EFCAB7: variants seen among roughly 807,000 people sequenced by gnomAD.
EFCAB7 encodes the protein EF-hand calcium binding domain 7.
EFCAB7 carries 66 observed loss-of-function variants against 77.1 expected under a neutral mutation model. That is an observed-to-expected ratio of 0.86 (90% CI 0.70 to 1.05). The LOEUF (loss-of-function observed/expected upper bound fraction) is 1.05. Ranked by LOEUF, EFCAB7 falls within the 50% of genes least tolerant of loss-of-function variation. The pLI is 0.00. For missense variants in EFCAB7, 638 were observed against 730.5 expected (o/e 0.87, Z 1.46); for synonymous variants, 225 against 243.3 (o/e 0.92, Z 0.70).
chr1:63,579,621 A>G, the EFCAB7 span, among the ~76,000 whole-genome samples: 2 of 152,210 alleles, frequency 1.3e-5, no homozygotes, highest in African/African-American at 2.4e-5. Context: ...AGAAACCGCC[A>G]AAGTGTTTTC....
chr1:63,572,660 G>A lies in EFCAB7; in HGVS notation c.*144G>A. ...CATTTTCATTTTATGTCCATGGTAT[G>A]TACTTTATTATTAAAATATAAATAA... On this transcript the variant is annotated 3_prime_UTR_variant, in exon 14 of 14. Transcript: ENST00000371088. 1 of 1,034,776 alleles carries A rather than the reference G, an allele frequency of 9.7e-7. No homozygotes were observed. The highest frequency in any genetic ancestry group is 1.2e-6 in the Non-Finnish European group (1 of 804,416). 64.1% of individuals were successfully genotyped at this position (1,034,776 alleles called of 1,614,324 possible).
At chr1:63,545,158 C>T (rs1310821343) in intron 6 of EFCAB7, among the ~76,000 whole-genome samples, 2 of 151,878 alleles carry the variant, frequency 1.3e-5, no homozygotes, top group Non-Finnish European at 2.9e-5. Context: ...ATCTCATGAT[C>T]CACCCACCTC....
chr1:63,552,634 A>G (rs1232052839), intron 8 of EFCAB7, among the ~76,000 whole-genome samples: 1 of 152,214 alleles, frequency 6.6e-6, no homozygotes, highest in Non-Finnish European at 1.5e-5. Flanking sequence ...GAGGCCAAAT[A>G]TGTGAAGCCA....
chr1:63,579,510 A>G, the EFCAB7 span, among the ~76,000 whole-genome samples: 1 of 152,334 alleles, frequency 6.6e-6, no homozygotes, highest in African/African-American at 2.4e-5. Context: ...TATAAAGTTC[A>G]TCTACAGATT....
chr1:63,527,845 G>A (rs928435145), intron 2 of EFCAB7: 4 of 152,156 alleles, frequency 2.6e-5, no homozygotes, highest in African/African-American at 9.7e-5. Context: ...GCAAGCATAT[G>A]CTAAGCTACC....
rs778540201 is a variant in EFCAB7, at chr1:63,561,723, A to G, written c.1363A>G (p.Lys455Glu). 3.1e-6 allele frequency: 5 copies of G among 1,587,770 alleles called. No homozygotes were observed. The East Asian group carries it at 1.1e-4, about 36-fold the overall frequency. Residue 455 changes from lysine (K) to glutamate (E), a missense_variant, in exon 11 of 14, where the codon AAG becomes GAG. By Grantham distance (56) the Lys-to-Glu change is moderately conservative. Coordinates refer to ENST00000371088, the MANE Select transcript of EFCAB7 (RefSeq NM_032437.4). ...TGTTTAAACAGAGAATTTTGATACA[A>G]AGAGGAATGAACTAACAAGACAAGG... The part of the protein sequence containing the change: ...WAVCRENFDT[K>E]RNELTRQGFM...
intron 11 of EFCAB7, among the ~76,000 whole-genome samples, chr1:63,566,715 A>C (rs2100926366): frequency 6.6e-6 from 1 of 151,830 alleles, no homozygotes; most frequent in East Asian, 1.9e-4. Context: ...AATCTTTAAA[A>C]ATTTTTACAA....
chr1:63,568,542 C>A (rs1647196261), intron 12 of EFCAB7, 23 bp downstream of exon 12: 1 of 1,572,680 alleles, frequency 6.4e-7, no homozygotes, highest in African/African-American at 1.4e-5. Context: ...AGGTGGTTTT[C>A]CTCATTTTGC....
chr1:63,566,159 T>A (rs1007351943), intron 11 of EFCAB7, among the ~76,000 whole-genome samples: 1 of 152,176 alleles, frequency 6.6e-6, no homozygotes, highest in Non-Finnish European at 1.5e-5. Context: ...TGGGATACTA[T>A]ACAGCCATAA....
downstream of EFCAB7, among the ~76,000 whole-genome samples, chr1:63,575,819 G>C (rs1375751714): frequency 6.6e-6 from 1 of 151,984 alleles, no homozygotes; most frequent in African/African-American, 2.4e-5. Flanking sequence ...AATTCCTGGG[G>C]TCAAGCGATT....
Position 63,531,956 on chromosome 1 carries a change from A to G in EFCAB7, c.324A>G (p.Leu108=). 1 of 1,612,854 alleles carries G rather than the reference A, an allele frequency of 6.2e-7. No individual in the cohort carries two copies. Among genetic ancestry groups the G allele is most frequent in the Non-Finnish European group, 8.5e-7 (1 of 1,179,200 alleles). The change falls in exon 3 of 14, where the codon CTA becomes CTG. Residue 108 remains leucine, a synonymous_variant. Coordinates refer to ENST00000371088, the MANE Select transcript of EFCAB7 (RefSeq NM_032437.4). ...KEKPTSKAEL[L]KSFKQLDVND... is the part of the protein sequence containing the mutation. ...AACCTACTTCAAAAGCAGAACTACT[A>G]AAATCATTTAAGCAATTAGATGTAA... is the stretch of plus-strand genomic sequence containing the variant.
intron 8 of EFCAB7, among the ~76,000 whole-genome samples, chr1:63,552,231 T>TA (rs1388561888): frequency 6.6e-6 from 1 of 151,320 alleles, no homozygotes; most frequent in African/African-American, 2.4e-5. Flanking sequence ...ACCCTGTCTC[T>TA]AAAAAAAAAT....
intron 5 of EFCAB7, among the ~76,000 whole-genome samples, chr1:63,533,860 A>C (rs74078252): frequency 0.015 from 2,231 of 152,286 alleles, 50 homozygotes; most frequent in African/African-American, 0.044. Context: ...ATATTTTATT[A>C]AAACTAAAAT....
intron 6 of EFCAB7, among the ~76,000 whole-genome samples, chr1:63,538,059 T>C (rs532035807): frequency 6.6e-6 from 1 of 152,294 alleles, no homozygotes; most frequent in East Asian, 1.9e-4. Context: ...TGAATGAAAA[T>C]AAGTAAAATT....
At chr1:63,534,736 G>A (rs918694334) in intron 6 of EFCAB7, among the ~76,000 whole-genome samples, 1 of 152,016 alleles carries the variant, frequency 6.6e-6, no homozygotes, top group Non-Finnish European at 1.5e-5. Context: ...TTAAAAATGT[G>A]CACCTAGAGA....
intron 6 of EFCAB7, among the ~76,000 whole-genome samples, chr1:63,535,246 G>T (rs1018985366): frequency 6.6e-5 from 10 of 151,800 alleles, no homozygotes; most frequent in African/African-American, 2.2e-4. Flanking sequence ...CATTAGTTGG[G>T]CTCATACCAA....
intron 12 of EFCAB7, chr1:63,570,006 G>A (rs887672648): frequency 6.6e-6 from 1 of 152,146 alleles, no homozygotes; most frequent in Admixed American, 6.6e-5. Context: ...TCACCAAAAT[G>A]TGATAATAAT....
chr1:63,580,133 C>T, the EFCAB7 span, among the ~76,000 whole-genome samples: 1 of 152,108 alleles, frequency 6.6e-6, no homozygotes, highest in East Asian at 1.9e-4. Flanking sequence ...AGTTAGAAGT[C>T]GTTGTCTAAC....
chr1:63,568,979 CCTG>C, intron 12 of EFCAB7: 1 of 152,246 alleles, frequency 6.6e-6, no homozygotes. Flanking sequence ...TGTCCCAAGA[CCTG>C]CTTTCATCAA....
Sources: allele counts gnomAD v4.1 joint callset (sites outside exome capture counted in the v4.1 genomes callset), GRCh38; gene constraint gnomAD v4.1.1; transcripts MANE v1.5; gene names NCBI Gene and HGNC (gene_info 2026-07-23, HGNC 2026-07-21).